Variants in GNAO1 observed in about 807,000 individuals in gnomAD.
GNAO1 encodes the protein guanine nucleotide-binding protein G(o) subunit alpha.
For synonymous variants in GNAO1, 164 were observed against 180.7 expected (o/e 0.91, Z 0.74); for missense variants, 166 against 478.7 (o/e 0.35, Z 6.10).
intron 2 of GNAO1, among the ~76,000 whole-genome samples, chr16:56,274,805 G>A (rs1242472474): frequency 6.6e-6 from 1 of 152,178 alleles, no homozygotes; most frequent in Non-Finnish European, 1.5e-5. Flanking sequence ...AGTTCCTTTT[G>A]GGGAGATTGA....
At chr16:56,251,440 TA>T (rs1487162686) in intron 2 of GNAO1, among the ~76,000 whole-genome samples, 1 of 152,224 alleles carries the variant, frequency 6.6e-6, no homozygotes, top group Non-Finnish European at 1.5e-5. Context: ...ATGTAAATGG[TA>T]AAATAAACAA....
chr16:56,249,217 G>A (rs972530333), intron 2 of GNAO1, among the ~76,000 whole-genome samples: 4 of 152,176 alleles, frequency 2.6e-5, no homozygotes, highest in African/African-American at 9.7e-5. Flanking sequence ...ATAAAATGGA[G>A]GTGATGGTCT....
In GNAO1 at chr16:56,300,050, C is replaced by T. The variant is rs567374619; in HGVS notation, c.303+23978C>T. Among the ~76,000 whole-genome samples, 55 of 47,946 alleles carry T rather than the reference C, an allele frequency of 1.1e-3. 1 individual carries two copies. The highest frequency in any genetic ancestry group is 1.6e-3 in the Admixed American group (6 of 3,838). The allele number at this position is 47,946 out of a possible 152,430, so 31.5% of individuals were successfully genotyped here. A position where few individuals can be genotyped will look rare whatever the true frequency, so the allele number is the denominator to read the frequency against. On this transcript the variant is annotated intron_variant, in intron 3 of 8. Coordinates refer to ENST00000262493, the MANE Select transcript of GNAO1 (RefSeq NM_020988.3). ...GTGTGTGTGTGTGCGCGCGCGCGCG[C>T]GCACGCACATGTGCTTGTGAGTGTG... is the stretch of plus-strand genomic sequence containing the variant.
chr16:56,265,118 C>A (rs900091009), intron 2 of GNAO1, among the ~76,000 whole-genome samples: 28 of 152,210 alleles, frequency 1.8e-4, no homozygotes, highest in Non-Finnish European at 3.2e-4. Context: ...ACAAGCCCCC[C>A]AGCCCGAGCA....
intron 2 of GNAO1, among the ~76,000 whole-genome samples, chr16:56,261,283 G>A (rs2036901192): frequency 6.6e-6 from 1 of 152,194 alleles, no homozygotes; most frequent in South Asian, 2.1e-4. Flanking sequence ...GCTGAGAAGG[G>A]CGTCTTTTGT....
chr16:56,286,709 G>A (rs958357484), intron 3 of GNAO1, among the ~76,000 whole-genome samples: 70 of 151,066 alleles, frequency 4.6e-4, no homozygotes, highest in South Asian at 3.1e-3. Context: ...GTGTGTGTGT[G>A]TGTGTGTGTG....
At chr16:56,314,258 G>T (rs2037486598) in intron 3 of GNAO1, among the ~76,000 whole-genome samples, 1 of 152,132 alleles carries the variant, frequency 6.6e-6, no homozygotes, top group South Asian at 2.1e-4. Flanking sequence ...TATAATTTTG[G>T]TAACAAATAT....
At chr16:56,282,911 G>C (rs1367172699) in intron 3 of GNAO1, among the ~76,000 whole-genome samples, 2 of 151,868 alleles carry the variant, frequency 1.3e-5, no homozygotes, top group African/African-American at 4.8e-5. Context: ...CTGTAGGTAT[G>C]AGTCTCTCCA....
At chr16:56,262,128 C>T (rs2036909156) in intron 2 of GNAO1, among the ~76,000 whole-genome samples, 1 of 152,222 alleles carries the variant, frequency 6.6e-6, no homozygotes. Context: ...GAAAGTTGAG[C>T]TCCTATCTCT....
chr16:56,333,943 G>C (rs529376473), intron 4 of GNAO1, among the ~76,000 whole-genome samples: 2 of 152,356 alleles, frequency 1.3e-5, no homozygotes, highest in East Asian at 3.9e-4. Context: ...TCCTACCCTG[G>C]CTTTAGGTTC....
At chr16:56,312,381 G>C (rs572527683) in intron 3 of GNAO1, among the ~76,000 whole-genome samples, 1 of 152,242 alleles carries the variant, frequency 6.6e-6, no homozygotes, top group African/African-American at 2.4e-5. Context: ...ACTGGCTGCT[G>C]TCATGATCTC....
intron 3 of GNAO1, among the ~76,000 whole-genome samples, chr16:56,316,221 C>T (rs1375130306): frequency 2.0e-5 from 3 of 152,246 alleles, no homozygotes; most frequent in African/African-American, 2.4e-5. Context: ...CAGGAGCCCA[C>T]GCCACACAGA....
At chr16:56,304,892 G>A (rs1404558425) in intron 3 of GNAO1, among the ~76,000 whole-genome samples, 9 of 152,368 alleles carry the variant, frequency 5.9e-5, no homozygotes, top group African/African-American at 1.9e-4. Context: ...TGGGTGACAA[G>A]GAAGGACACT....
intron 2 of GNAO1, among the ~76,000 whole-genome samples, chr16:56,269,285 T>C (rs1277182890): frequency 6.6e-6 from 1 of 152,144 alleles, no homozygotes; most frequent in East Asian, 1.9e-4. Context: ...TAACCCTTGC[T>C]GCTGTTGTTG....
At chr16:56,262,150 G>A (rs1198071408) in intron 2 of GNAO1, among the ~76,000 whole-genome samples, 1 of 152,244 alleles carries the variant, frequency 6.6e-6, no homozygotes, top group Non-Finnish European at 1.5e-5. Flanking sequence ...AAGGAAGGGA[G>A]GAGTTGCACA....
chr16:56,263,426 T>C (rs1463541207), intron 2 of GNAO1, among the ~76,000 whole-genome samples: 1 of 152,148 alleles, frequency 6.6e-6, no homozygotes, highest in African/African-American at 2.4e-5. Context: ...CACGTCGATA[T>C]GTGGGGAAAC....
intron 6 of GNAO1, chr16:56,346,988 A>G (rs1231295493): frequency 2.0e-6 from 2 of 985,298 alleles, no homozygotes; most frequent in African/African-American, 3.5e-5. Context: ...GTTAGCACCC[A>G]GGGGTTGATT....
intron 2 of GNAO1, among the ~76,000 whole-genome samples, chr16:56,268,089 C>T (rs970956549): frequency 5.9e-5 from 9 of 152,212 alleles, no homozygotes; most frequent in Non-Finnish European, 1.0e-4. Flanking sequence ...GGGTTTTGTC[C>T]CTGCTCTGCC....
intron 2 of GNAO1, chr16:56,270,538 A>C (rs2037006789): frequency 6.6e-6 from 1 of 152,110 alleles, no homozygotes; most frequent in African/African-American, 2.4e-5. Flanking sequence ...TGACTCATGT[A>C]GTTATGTCCC....
Sources: gnomAD v4.1 joint callset for allele counts (sites outside exome capture counted in the v4.1 genomes callset) on GRCh38, gnomAD v4.1.1 for gene constraint, MANE v1.5 for transcripts, NCBI Gene and HGNC (gene_info 2026-07-23, HGNC 2026-07-21) for gene names.